The following FRMPD4 variants were observed in gnomAD, a reference collection of about 807,000 sequenced individuals.
The protein encoded by FRMPD4 is FERM and PDZ domain-containing protein 4.
A neutral mutation model predicts 94.1 loss-of-function variants in FRMPD4; 22 were observed. The ratio of observed to expected loss-of-function variants is 0.23; its 90% confidence interval spans 0.17 to 0.33. FRMPD4 has a LOEUF of 0.33. FRMPD4 is among the 10% of genes least tolerant of loss of function. FRMPD4 has a pLI of 1.00. For missense variants in FRMPD4, 1,111 were observed against 1,339.9 expected (o/e 0.83, Z 2.67); for synonymous variants, 631 against 548.6 (o/e 1.15, Z -2.10).
rs141475597 is a variant in FRMPD4 at position 12,203,889 on chromosome X, G to C, written c.41+64877G>C. Among the ~76,000 whole-genome samples the C allele has an allele frequency of 1.0e-3, 116 of 112,223 alleles. 2 individuals are homozygous for C. Among genetic ancestry groups the C allele is most frequent in the African/African-American group, 3.6e-3 (113 of 30,982 alleles). On this transcript the variant is annotated intron_variant, in intron 1 of 16. Transcript: ENST00000675598. ...ACTCACTGACAACACTGTTTCCTGA[G>C]GGGTCCTCAGAGATACAAAGACATT...
chrX:12,091,333 T>C (rs2055152240), intron 3 of FRMPD4, among the ~76,000 whole-genome samples: 1 of 112,053 alleles, frequency 8.9e-6, no homozygotes, highest in Non-Finnish European at 1.9e-5. Flanking sequence ...AAGGGCCAGA[T>C]AACAAATATT....
chrX:12,279,731 G>T (rs987937153), intron 1 of FRMPD4, among the ~76,000 whole-genome samples: 1 of 110,699 alleles, frequency 9.0e-6, no homozygotes, highest in Non-Finnish European at 1.9e-5. Flanking sequence ...CATGCCAGGG[G>T]ATTACATTGT....
intron 3 of FRMPD4, among the ~76,000 whole-genome samples, chrX:11,930,796 T>G (rs1415145372): frequency 9.0e-6 from 1 of 111,548 alleles, no homozygotes; most frequent in Non-Finnish European, 1.9e-5. Context: ...AAGATTGATC[T>G]GATATGGTCT....
intron 4 of FRMPD4, among the ~76,000 whole-genome samples, chrX:12,618,446 C>T (rs367766376): frequency 4.5e-5 from 5 of 110,941 alleles, no homozygotes; most frequent in African/African-American, 1.3e-4. Flanking sequence ...ATGCTGTTGG[C>T]GAGGGTAGTA....
chrX:12,126,839 C>A (rs973219277), intron 3 of FRMPD4, among the ~76,000 whole-genome samples: 5 of 111,872 alleles, frequency 4.5e-5, no homozygotes, highest in Non-Finnish European at 9.4e-5. Context: ...CACACATTCT[C>A]TCACGTGGGC....
intron 2 of FRMPD4, among the ~76,000 whole-genome samples, chrX:12,526,659 G>A: frequency 8.9e-6 from 1 of 111,957 alleles, no homozygotes. Flanking sequence ...GCCATCTGGT[G>A]GTCAAATGGG....
At chrX:12,640,259 A>G (rs1602247668) in intron 4 of FRMPD4, among the ~76,000 whole-genome samples, 1 of 92,828 alleles carries the variant, frequency 1.1e-5, no homozygotes, top group Non-Finnish European at 2.1e-5. Flanking sequence ...AGATCACAGC[A>G]CTGCACTCCA....
Position 12,146,319 on chromosome X carries a change from G to T in FRMPD4, c.41+7307G>T, listed in dbSNP as rs929356279. 2.7e-5 allele frequency among the ~76,000 whole-genome samples: 3 copies of T among 109,879 alleles called. No individual in the cohort carries two copies. In the South Asian group the frequency reaches 1.2e-3, roughly 45 times the overall value. On this transcript the variant is annotated intron_variant, in intron 1 of 16. Transcript: ENST00000675598. The stretch of plus-strand genomic sequence containing the variant: ...GCGAAGCTTGCAGTGAGCTGAGATT[G>T]CGCCACTGTGCTTCCAACCTGGGCA...
chrX:12,633,905 A>T (rs986441732), intron 4 of FRMPD4, among the ~76,000 whole-genome samples: 3 of 112,650 alleles, frequency 2.7e-5, no homozygotes, highest in Non-Finnish European at 5.6e-5. Flanking sequence ...CAGTTTAAAA[A>T]CCACTTGATA....
At chrX:11,935,280 T>G (rs1364919606) in intron 3 of FRMPD4, among the ~76,000 whole-genome samples, 1 of 27,948 alleles carries the variant, frequency 3.6e-5, no homozygotes, top group Non-Finnish European at 6.8e-5. Flanking sequence ...TTTTTTTTTT[T>G]TTTTTTTTTT....
In FRMPD4 at chrX:12,573,903, T is replaced by C. The variant is rs376988732; in HGVS notation, c.159-35818T>C. On this transcript the variant is annotated intron_variant, in intron 2 of 16. Coordinates refer to ENST00000675598, the MANE Select transcript of FRMPD4 (RefSeq NM_001368397.1). ...CTTCTATTGAGCCAGACATTAAAGA[T>C]TTTTTTTTTAATGTAAAGCAGTGCC... is the stretch of plus-strand genomic sequence containing the variant. Among the ~76,000 whole-genome samples, 8 of 109,780 alleles carry C rather than the reference T, an allele frequency of 7.3e-5. No individual in the cohort carries two copies. The East Asian group carries it at 2.0e-3, about 27-fold the overall frequency.
intron 3 of FRMPD4, among the ~76,000 whole-genome samples, chrX:12,109,777 G>C (rs2055338723): frequency 8.9e-6 from 1 of 112,097 alleles, no homozygotes; most frequent in South Asian, 3.7e-4. Context: ...TACCATCAGA[G>C]AATACTATAA....
chrX:12,076,340 GTGTGTGTGTGTGTGTGTA>G (rs1307933232), intron 3 of FRMPD4, among the ~76,000 whole-genome samples: 2 of 109,024 alleles, frequency 1.8e-5, no homozygotes, highest in African/African-American at 6.7e-5. Flanking sequence ...GTGTGTGTGT[GTGTGTGTGTGTGTGTGTA>G]TGTGTGTGTG....
chrX:12,485,272 TA>T (rs2057727825), intron 1 of FRMPD4, among the ~76,000 whole-genome samples: 1 of 112,679 alleles, frequency 8.9e-6, no homozygotes, highest in Non-Finnish European at 1.9e-5. Flanking sequence ...GTTCTCAAAT[TA>T]TTGTGTGTAT....
chrX:11,898,171 G>A (rs1190794615), intron 3 of FRMPD4, among the ~76,000 whole-genome samples: 1 of 110,956 alleles, frequency 9.0e-6, no homozygotes, highest in Non-Finnish European at 1.9e-5. Context: ...AGGCAGTCAG[G>A]GCTGGATGGG....
chrX:11,949,934 C>G (rs1242921797), intron 3 of FRMPD4, among the ~76,000 whole-genome samples: 1 of 111,968 alleles, frequency 8.9e-6, no homozygotes, highest in Non-Finnish European at 1.9e-5. Context: ...AACATGCTGC[C>G]TTGATATACA....
At chrX:11,822,954 G>A (rs2053420906) in intron 1 of FRMPD4, among the ~76,000 whole-genome samples, 1 of 111,219 alleles carries the variant, frequency 9.0e-6, no homozygotes, top group East Asian at 2.8e-4. Flanking sequence ...GATGTTCTTG[G>A]CATAGGAAAG....
At chrX:11,881,612 A>T (rs1386130441) in intron 3 of FRMPD4, among the ~76,000 whole-genome samples, 1 of 111,884 alleles carries the variant, frequency 8.9e-6, no homozygotes, top group Non-Finnish European at 1.9e-5. Flanking sequence ...AGTGACAGAG[A>T]ACAGATCAGT....
intron 3 of FRMPD4, among the ~76,000 whole-genome samples, chrX:12,113,289 T>C (rs770162963): frequency 3.5e-4 from 39 of 112,488 alleles, no homozygotes; most frequent in African/African-American, 1.2e-3. Context: ...GTTACATGAA[T>C]GTATTCATTT....
Sources: gnomAD v4.1 joint callset for allele counts (sites outside exome capture counted in the v4.1 genomes callset) on GRCh38, gnomAD v4.1.1 for gene constraint, MANE v1.5 for transcripts, NCBI Gene and HGNC (gene_info 2026-07-23, HGNC 2026-07-21) for gene names.